Variants in STK32B observed in about 807,000 individuals in gnomAD.
The protein encoded by STK32B is serine/threonine-protein kinase 32B.
Under a neutral mutation model 52.6 loss-of-function variants are expected in STK32B, and 43 were observed. That is an observed-to-expected ratio of 0.82 (90% CI 0.64 to 1.05). The LOEUF (loss-of-function observed/expected upper bound fraction) is 1.05, where lower values mean the gene tolerates loss of function less well. STK32B is among the 50% of genes least tolerant of loss of function. The pLI is 0.00. For missense variants in STK32B, 621 were observed against 534.6 expected (o/e 1.16, Z -1.59); for synonymous variants, 238 against 204.3 (o/e 1.17, Z -1.41).
chr4:5,296,583 A>G (rs1001627832), intron 3 of STK32B, among the ~76,000 whole-genome samples: 4 of 151,498 alleles, frequency 2.6e-5, no homozygotes, highest in African/African-American at 7.3e-5. Flanking sequence ...TGGGATTGCA[A>G]CCCCTGCTGT....
At chr4:5,381,197 G>C (rs1328934493) in intron 4 of STK32B, among the ~76,000 whole-genome samples, 1 of 152,224 alleles carries the variant, frequency 6.6e-6, no homozygotes, top group Non-Finnish European at 1.5e-5. Context: ...AAGACTCCCT[G>C]GTTAGGAACT....
rs1327211372 is a variant in STK32B, at chr4:5,467,254, A to G, written c.1041+420A>G. On this transcript the variant is annotated intron_variant, in intron 10 of 11. Coordinates refer to ENST00000282908, the MANE Select transcript of STK32B (RefSeq NM_018401.3). This position sits in a 1 kb window ranked among gnomAD's most constrained non-coding sequence, Gnocchi z 5.8. ...TAAAACAACCCACATTGATTCTCTC[A>G]CGGTTCTGGAGGCCAGAAATCCAAA... 6.6e-6 allele frequency among the ~76,000 whole-genome samples: 1 copy of G among 152,094 alleles called. No homozygotes were observed. Among genetic ancestry groups the G allele is most frequent in the African/African-American group, 2.4e-5 (1 of 41,404 alleles).
intron 4 of STK32B, among the ~76,000 whole-genome samples, chr4:5,358,383 T>C (rs1734313561): frequency 1.3e-5 from 2 of 152,156 alleles, no homozygotes; most frequent in South Asian, 4.1e-4. Context: ...CATCAGTAAA[T>C]CGGGTCAGCA....
At chr4:5,385,200 G>C (rs75075305) in intron 4 of STK32B, among the ~76,000 whole-genome samples, 4,732 of 152,100 alleles carry the variant, frequency 0.031, 233 homozygotes, top group African/African-American at 0.11. Flanking sequence ...GAACAGGAGG[G>C]TTTAGATTAA....
rs201740957 is a variant in STK32B, at chr4:5,360,419, ATG to A, written c.434+29028_434+29029del. Among the ~76,000 whole-genome samples, 1,004 of 152,296 alleles carry A rather than the reference ATG, an allele frequency of 6.6e-3. 4 individuals are homozygous for A. Among genetic ancestry groups the A allele is most frequent in the Non-Finnish European group, 0.011 (756 of 68,028 alleles). ...CAAGTGCTTTGAGAGGGAAAGCCCT[ATG>A]TCAAGAGAATGTCACTGGACCAGCC... On this transcript the variant is annotated intron_variant, in intron 4 of 11. Transcript: ENST00000282908.
chr4:5,043,371 A>T, the STK32B span, among the ~76,000 whole-genome samples: 2 of 152,184 alleles, frequency 1.3e-5, no homozygotes, highest in Admixed American at 6.5e-5. Flanking sequence ...CAATGCATAC[A>T]TTTACTTAGT....
chr4:5,201,211 A>T (rs1343989881), intron 3 of STK32B, among the ~76,000 whole-genome samples: 1 of 152,130 alleles, frequency 6.6e-6, no homozygotes. Flanking sequence ...TGGAGTGAGG[A>T]GGGGCAAAGG....
chr4:5,488,404 G>A (rs888010423), intron 11 of STK32B, among the ~76,000 whole-genome samples: 1 of 152,182 alleles, frequency 6.6e-6, no homozygotes, highest in Non-Finnish European at 1.5e-5. Context: ...ATTAAGAGCA[G>A]ATCAATATTT....
At position 5,146,063 on chromosome 4, in the gene STK32B, T is replaced by TC. The variant is rs1490332204; in HGVS notation, c.108+6103_108+6104insC. Among the ~76,000 whole-genome samples the TC allele has an allele frequency of 2.0e-4, 26 of 132,116 alleles. No individual in the cohort carries two copies. In the South Asian group the frequency reaches 3.0e-3, roughly 15 times the overall value. 86.7% of individuals were successfully genotyped at this position (132,116 alleles called of 152,430 possible). A position where few individuals can be genotyped will look rare whatever the true frequency, so the allele number is the denominator to read the frequency against. On this transcript the variant is annotated intron_variant, in intron 2 of 11. Coordinates refer to ENST00000282908, the MANE Select transcript of STK32B (RefSeq NM_018401.3). ...GTAGGGTCAAGTTGTTTTTTTTTTT[T>TC]TCCCTAGTATGGACATCAGTTTCTT...
chr4:5,458,612 ATTACT>A (rs1350895687), intron 8 of STK32B: 3 of 152,322 alleles, frequency 2.0e-5, no homozygotes, highest in African/African-American at 7.2e-5. Context: ...AATCTGTTAA[ATTACT>A]TTAAAGGAAA....
At chr4:5,244,517 GA>G (rs200220812) in intron 3 of STK32B, among the ~76,000 whole-genome samples, 11,925 of 151,858 alleles carry the variant, frequency 0.079, 692 homozygotes, top group African/African-American at 0.16. Context: ...TTGATCTTTT[GA>G]AAAAACTAGC....
At chr4:5,349,868 T>C (rs952100376) in intron 4 of STK32B, among the ~76,000 whole-genome samples, 2 of 152,140 alleles carry the variant, frequency 1.3e-5, no homozygotes, top group African/African-American at 4.8e-5. Context: ...GCTTCAGTAA[T>C]AGACTAGATC....
the STK32B span, among the ~76,000 whole-genome samples, chr4:5,025,236 T>C: frequency 5.3e-5 from 8 of 152,086 alleles, no homozygotes; most frequent in East Asian, 1.9e-4. Context: ...TTGTTGGGGC[T>C]CCCTCAACAG....
At chr4:5,305,149 CTT>C (rs1321837337) in intron 3 of STK32B, among the ~76,000 whole-genome samples, 2 of 151,870 alleles carry the variant, frequency 1.3e-5, no homozygotes, top group African/African-American at 2.4e-5. Flanking sequence ...CTGTAGTTTT[CTT>C]TTTTTGTTAT....
At chr4:5,173,375 A>T (rs185151483) in intron 3 of STK32B, among the ~76,000 whole-genome samples, 1 of 151,924 alleles carries the variant, frequency 6.6e-6, no homozygotes, top group African/African-American at 2.4e-5. Flanking sequence ...TTGCTTCTCT[A>T]GTTCTTTTAA....
chr4:5,367,053 C>G (rs1734923141), intron 4 of STK32B, among the ~76,000 whole-genome samples: 1 of 152,064 alleles, frequency 6.6e-6, no homozygotes, highest in African/African-American at 2.4e-5. Flanking sequence ...GTGTCCTCCA[C>G]CTCCCCTTCT....
At chr4:5,314,438 G>A (rs781278264) in intron 3 of STK32B, among the ~76,000 whole-genome samples, 1 of 152,214 alleles carries the variant, frequency 6.6e-6, no homozygotes, top group Non-Finnish European at 1.5e-5. Context: ...GGGAGGCTGA[G>A]GCAGGTGGAT....
At chr4:5,084,783 AT>A (rs1213877662) in intron 1 of STK32B, among the ~76,000 whole-genome samples, 1 of 152,338 alleles carries the variant, frequency 6.6e-6, no homozygotes, top group African/African-American at 2.4e-5. Context: ...TTAAAATTAT[AT>A]TTTTAAACTG....
At chr4:5,211,636 T>A (rs1018617233) in intron 3 of STK32B, among the ~76,000 whole-genome samples, 1 of 152,038 alleles carries the variant, frequency 6.6e-6, no homozygotes, top group African/African-American at 2.4e-5. Context: ...ATGTGGCCCA[T>A]CTCCTCCCTG....
Sources: gnomAD v4.1 joint callset for allele counts (sites outside exome capture counted in the v4.1 genomes callset) on GRCh38, gnomAD v4.1.1 for gene constraint, Gnocchi (gnomAD v3.1) non-coding constraint, MANE v1.5 for transcripts, NCBI Gene and HGNC (gene_info 2026-07-23, HGNC 2026-07-21) for gene names.